The following TENM1 variants were observed in gnomAD, a reference collection of about 807,000 sequenced individuals.
TENM1 encodes the protein teneurin-1.
TENM1 carries 35 observed loss-of-function variants against 174.8 expected under a neutral mutation model. The ratio of observed to expected loss-of-function variants is 0.20; its 90% confidence interval spans 0.15 to 0.27. The LOEUF is 0.27. Ranked by LOEUF, TENM1 falls within the 10% of genes least tolerant of loss-of-function variation. TENM1 has a pLI of 1.00. For synonymous variants in TENM1, 781 were observed against 798.7 expected (o/e 0.98, Z 0.37); for missense variants, 1,633 against 2,130.1 (o/e 0.77, Z 4.59).
At position 124,442,972 on chromosome X, in the gene TENM1, C is replaced by T. The variant is rs188111224; in HGVS notation, c.4104+10365G>A. ...AGCCACCATGCCTAGCCCTCTTCTG[C>T]TTTAAAACTACTGTTTTTTTTTTTC... On this transcript the variant is annotated intron_variant, in intron 23 of 31. Coordinates refer to ENST00000422452, the Ensembl canonical transcript of TENM1. 3.0e-3 allele frequency among the ~76,000 whole-genome samples: 309 copies of T among 101,767 alleles called. 2 individuals carry two copies. Among genetic ancestry groups the T allele is most frequent in the African/African-American group, 0.01 (287 of 28,600 alleles). 88.4% of individuals were successfully genotyped at this position (101,767 alleles called of 115,157 possible). A position where few individuals can be genotyped will look rare whatever the true frequency, so the allele number is the denominator to read the frequency against.
intron 4 of TENM1, among the ~76,000 whole-genome samples, chrX:124,706,669 A>C (rs2052913058): frequency 8.9e-6 from 1 of 112,244 alleles, no homozygotes; most frequent in South Asian, 3.7e-4. Flanking sequence ...GGAGTTGCCA[A>C]AAACAAATAA....
chrX:124,552,793 C>A (rs886143201), intron 14 of TENM1, among the ~76,000 whole-genome samples: 1 of 111,441 alleles, frequency 9.0e-6, no homozygotes, highest in Non-Finnish European at 1.9e-5. Flanking sequence ...GACGTTTGCA[C>A]ACACTATTCC....
At chrX:124,503,535 C>A in intron 19 of TENM1, 25 bp downstream of exon 22, 1 of 1,176,831 alleles carries the variant, frequency 8.5e-7, no homozygotes, top group Admixed American at 2.4e-5. Flanking sequence ...AAGTAGTATT[C>A]ATACAAATTT....
chrX:124,721,933 A>G (rs1285148643), intron 4 of TENM1, among the ~76,000 whole-genome samples: 1 of 112,348 alleles, frequency 8.9e-6, no homozygotes, highest in Non-Finnish European at 1.9e-5. Context: ...ACAAACATAC[A>G]TGCATACATA....
At chrX:125,183,264 C>T in the TENM1 span, among the ~76,000 whole-genome samples, 57 of 111,447 alleles carry the variant, frequency 5.1e-4, 2 homozygotes, top group South Asian at 0.021. Context: ...TTACTGAAGG[C>T]TCGGCACCTC....
At chrX:124,677,774 G>C (rs889925498) in intron 5 of TENM1, among the ~76,000 whole-genome samples, 1 of 110,793 alleles carries the variant, frequency 9.0e-6, no homozygotes, top group African/African-American at 3.3e-5. Context: ...TACAATATGG[G>C]GATCTAGAAA....
intron 3 of TENM1, among the ~76,000 whole-genome samples, chrX:124,817,711 A>G (rs1175822797): frequency 8.9e-6 from 1 of 111,980 alleles, no homozygotes; most frequent in Non-Finnish European, 1.9e-5. Flanking sequence ...TTTCTCCACT[A>G]TGCTCTATTT....
chrX:124,644,210 C>CATATATATATATATAT (rs202056765), intron 10 of TENM1, among the ~76,000 whole-genome samples: 6 of 95,673 alleles, frequency 6.3e-5, no homozygotes, highest in African/African-American at 2.3e-4. Flanking sequence ...TTTACATATA[C>CATATATATATATATAT]ATATATATAT....
At chrX:124,585,197 C>G (rs374389107) in intron 11 of TENM1, among the ~76,000 whole-genome samples, 64 of 111,505 alleles carry the variant, frequency 5.7e-4, no homozygotes, top group Non-Finnish European at 5.6e-5. Flanking sequence ...TAATAGACAT[C>G]TACAGAACTC....
the TENM1 span, among the ~76,000 whole-genome samples, chrX:125,083,106 G>A: frequency 9.0e-6 from 1 of 111,222 alleles, no homozygotes; most frequent in Non-Finnish European, 1.9e-5. Flanking sequence ...ACATTGAAAT[G>A]TTTGTTGACT....
At chrX:124,482,009 C>T (rs769184187) in intron 21 of TENM1, 45 bp from the exon 25 acceptor site, 17 of 894,823 alleles carry the variant, frequency 1.9e-5, no homozygotes, top group African/African-American at 3.9e-5. Context: ...TTTTTCAACA[C>T]GAACCCCCTG....
intron 3 of TENM1, among the ~76,000 whole-genome samples, chrX:124,748,525 T>C (rs1187772368): frequency 1.8e-5 from 2 of 111,271 alleles, no homozygotes; most frequent in Non-Finnish European, 3.8e-5. Context: ...GAAATTAACC[T>C]AAACGTTTAG....
chrX:124,394,083 G>A (rs1437930556), intron 27 of TENM1, among the ~76,000 whole-genome samples: 2 of 111,790 alleles, frequency 1.8e-5, no homozygotes, highest in Non-Finnish European at 3.8e-5. Flanking sequence ...AGATTCCAAG[G>A]TGATTGTAGC....
chrX:124,992,044 C>A, the TENM1 span, among the ~76,000 whole-genome samples: 1 of 111,202 alleles, frequency 9.0e-6, no homozygotes, highest in African/African-American at 3.3e-5. Context: ...AATCAGGCTC[C>A]AAACCTCAGG....
At chrX:124,886,548 T>TATATAGAG (rs1187597592) in intron 3 of TENM1, among the ~76,000 whole-genome samples, 26 of 59,976 alleles carry the variant, frequency 4.3e-4, no homozygotes, top group Non-Finnish European at 5.3e-4. Flanking sequence ...TATATATATA[T>TATATAGAG]AGAGAGAGAG....
At chrX:124,460,067 G>A (rs2147866935) in intron 22 of TENM1, among the ~76,000 whole-genome samples, 1 of 111,724 alleles carries the variant, frequency 9.0e-6, no homozygotes, top group East Asian at 2.8e-4. Flanking sequence ...ATTATTAAAA[G>A]TCAAAAAATA....
the TENM1 span, among the ~76,000 whole-genome samples, chrX:124,982,503 T>C: frequency 1.8e-5 from 2 of 111,118 alleles, no homozygotes; most frequent in Non-Finnish European, 3.8e-5. Flanking sequence ...CAGGGCACCA[T>C]GGGGTATTTG....
At chrX:124,510,179 A>T (rs748725067) in intron 18 of TENM1, among the ~76,000 whole-genome samples, 3 of 107,927 alleles carry the variant, frequency 2.8e-5, no homozygotes, top group Non-Finnish European at 5.7e-5. Context: ...CTCCAGTTTG[A>T]TAGATATCAT....
intron 23 of TENM1, among the ~76,000 whole-genome samples, chrX:124,450,806 A>G (rs756197663): frequency 8.9e-6 from 1 of 112,036 alleles, no homozygotes; most frequent in Non-Finnish European, 1.9e-5. Flanking sequence ...TGACTGGTGA[A>G]GGCATGGGCA....
Sources: gnomAD v4.1 joint callset for allele counts (sites outside exome capture counted in the v4.1 genomes callset) on GRCh38, gnomAD v4.1.1 for gene constraint, MANE v1.5 for transcripts, NCBI Gene and HGNC (gene_info 2026-07-23, HGNC 2026-07-21) for gene names.